The following RBFOX1 variants were observed in gnomAD, a reference collection of about 807,000 sequenced individuals.
RBFOX1 encodes RNA binding protein fox-1 homolog 1.
Under a neutral mutation model 57.7 loss-of-function variants are expected in RBFOX1, and 8 were observed. The observed-to-expected ratio is 0.14, with a 90% CI of 0.08 to 0.25. The LOEUF (loss-of-function observed/expected upper bound fraction) is 0.25, where lower values mean the gene tolerates loss of function less well. RBFOX1 is among the 10% of genes least tolerant of loss of function. The pLI, the probability that RBFOX1 is intolerant of heterozygous loss-of-function variation, is 1.00. For missense variants in RBFOX1, 611 were observed against 548.5 expected (o/e 1.11, Z -1.14); for synonymous variants, 326 against 222.4 (o/e 1.47, Z -4.15).
At chr16:6,986,576 G>A (rs1353708984) in intron 3 of RBFOX1, among the ~76,000 whole-genome samples, 1 of 152,306 alleles carries the variant, frequency 6.6e-6, no homozygotes, top group Admixed American at 6.5e-5. Flanking sequence ...GTAGGCATGA[G>A]CTCCTGGGCC....
intron 1 of RBFOX1, among the ~76,000 whole-genome samples, chr16:5,324,880 G>A (rs1321439308): frequency 1.3e-5 from 2 of 152,138 alleles, no homozygotes; most frequent in Non-Finnish European, 1.5e-5. Context: ...ACTAGACTTA[G>A]TGGTACTACA....
At chr16:7,304,107 G>C in intron 4 of RBFOX1, 1 of 686,050 alleles carries the variant, frequency 1.5e-6, no homozygotes, top group Non-Finnish European at 1.8e-6. Context: ...GCAGAGGAAC[G>C]CCGGGATCTA....
rs530034721 is a variant in RBFOX1 at position 5,678,348 on chromosome 16, A to G, written c.318+79387A>G. On this transcript the variant is annotated intron_variant, in intron 3 of 19. Coordinates refer to the RBFOX1 transcript ENST00000641259. ...GTCTTGTTCTTAAGCCTCTGTTGCAATTTGTTGAACAAACAAGTATTCGTC... is the reference window on the plus strand; with the variant it reads ...GTCTTGTTCTTAAGCCTCTGTTGCAGTTTGTTGAACAAACAAGTATTCGTC... 8.5e-5 allele frequency among the ~76,000 whole-genome samples: 13 copies of G among 152,330 alleles called. No homozygotes were observed. The East Asian group carries it at 1.2e-3, about 14-fold the overall frequency.
intron 2 of RBFOX1, among the ~76,000 whole-genome samples, chr16:6,437,994 C>T (rs906586895): frequency 6.6e-6 from 1 of 152,160 alleles, no homozygotes; most frequent in Non-Finnish European, 1.5e-5. Context: ...CCAGGCTCCT[C>T]TTGGTCTTGA....
intron 5 of RBFOX1, among the ~76,000 whole-genome samples, chr16:7,543,398 G>C (rs954811333): frequency 6.6e-6 from 1 of 152,178 alleles, no homozygotes; most frequent in African/African-American, 2.4e-5. Flanking sequence ...AATGATCATG[G>C]AGATGCCAGC....
chr16:6,629,156 G>A (rs1217383063), intron 2 of RBFOX1, among the ~76,000 whole-genome samples: 1 of 152,194 alleles, frequency 6.6e-6, no homozygotes, highest in Non-Finnish European at 1.5e-5. Context: ...AATTTACATT[G>A]ATAAGAATAA....
chr16:5,565,867 T>A (rs7193377), intron 2 of RBFOX1, among the ~76,000 whole-genome samples: 57,496 of 151,686 alleles, frequency 0.38, 11,998 homozygotes, highest in East Asian at 0.53. Context: ...TCCCTACCCA[T>A]GTCTCATCTT....
At chr16:5,418,457 G>A (rs921461851) in intron 1 of RBFOX1, among the ~76,000 whole-genome samples, 2 of 151,898 alleles carry the variant, frequency 1.3e-5, no homozygotes, top group African/African-American at 4.8e-5. Flanking sequence ...AATTACGCCA[G>A]GAAAGACCAA....
chr16:6,778,195 C>G (rs529835836), intron 3 of RBFOX1, among the ~76,000 whole-genome samples: 1 of 152,120 alleles, frequency 6.6e-6, no homozygotes, highest in Non-Finnish European at 1.5e-5. Flanking sequence ...TAAAACAATT[C>G]AGTCTCCCTG....
intron 4 of RBFOX1, among the ~76,000 whole-genome samples, chr16:7,515,128 A>G (rs1438778781): frequency 6.6e-6 from 1 of 152,120 alleles, no homozygotes; most frequent in Non-Finnish European, 1.5e-5. Flanking sequence ...GATTCCCAAG[A>G]TCCCAACATT....
At chr16:5,595,575 C>G (rs2047154364) in intron 2 of RBFOX1, among the ~76,000 whole-genome samples, 1 of 152,144 alleles carries the variant, frequency 6.6e-6, no homozygotes, top group Admixed American at 6.5e-5. Flanking sequence ...CTGTACGCCT[C>G]AAGAATTTTC....
intron 1 of RBFOX1, among the ~76,000 whole-genome samples, chr16:5,449,970 C>T (rs142383826): frequency 5.3e-5 from 8 of 152,256 alleles, no homozygotes; most frequent in African/African-American, 1.9e-4. Flanking sequence ...TTTCTACATG[C>T]ATTTAGTGGT....
intron 2 of RBFOX1, among the ~76,000 whole-genome samples, chr16:6,341,346 T>C (rs1183832950): frequency 2.6e-5 from 4 of 152,146 alleles, no homozygotes; most frequent in African/African-American, 9.7e-5. Context: ...TACTGACTCT[T>C]CTTTTACCTC....
At chr16:6,451,617 T>A (rs563497331) in intron 2 of RBFOX1, among the ~76,000 whole-genome samples, 6 of 152,334 alleles carry the variant, frequency 3.9e-5, no homozygotes, top group African/African-American at 9.6e-5. Context: ...ACTTAGATAC[T>A]TCCTGGTCAT....
chr16:6,598,839 G>A (rs918094408), intron 2 of RBFOX1, among the ~76,000 whole-genome samples: 10 of 143,650 alleles, frequency 7.0e-5, no homozygotes, highest in Non-Finnish European at 8.8e-5. Flanking sequence ...CCAGCTACTC[G>A]GGAGGCTGAG....
At chr16:7,667,479 C>G (rs2069738669) in intron 13 of RBFOX1, among the ~76,000 whole-genome samples, 1 of 152,138 alleles carries the variant, frequency 6.6e-6, no homozygotes, top group Non-Finnish European at 1.5e-5. Flanking sequence ...GTGGAAATAT[C>G]CCCAAGCTTC....
chr16:5,812,227 G>A (rs967872265), intron 3 of RBFOX1, among the ~76,000 whole-genome samples: 2 of 152,142 alleles, frequency 1.3e-5, no homozygotes, highest in Non-Finnish European at 2.9e-5. Flanking sequence ...GGGTTTGGTC[G>A]TTACAAATAA....
At chr16:6,673,833 A>G (rs965937899) in intron 3 of RBFOX1, among the ~76,000 whole-genome samples, 4 of 152,158 alleles carry the variant, frequency 2.6e-5, no homozygotes, top group East Asian at 1.9e-4. Flanking sequence ...GATAGCCAAG[A>G]CAGTGCTAGA....
At chr16:6,308,147 T>G (rs2079761008) in intron 1 of RBFOX1, among the ~76,000 whole-genome samples, 1 of 151,784 alleles carries the variant, frequency 6.6e-6, no homozygotes, top group Admixed American at 6.6e-5. Context: ...ATTTACTGAG[T>G]TATTTGGAAT....
Sources: allele counts gnomAD v4.1 joint callset (sites outside exome capture counted in the v4.1 genomes callset), GRCh38; gene constraint gnomAD v4.1.1; transcripts MANE v1.5; gene names NCBI Gene and HGNC (gene_info 2026-07-23, HGNC 2026-07-21).